AGAP1: variants seen among roughly 807,000 people sequenced by gnomAD.
AGAP1 encodes ArfGAP with GTPase domain, ankyrin repeat and PH domain 1.
In AGAP1, 29 loss-of-function variants were observed where a neutral mutation model predicts 105.3. That is an observed-to-expected ratio of 0.28 (90% CI 0.21 to 0.38). The LOEUF (loss-of-function observed/expected upper bound fraction) is 0.38, where lower values mean the gene tolerates loss of function less well. Ranked by LOEUF, AGAP1 falls within the 10% of genes least tolerant of loss-of-function variation. The probability of loss-of-function intolerance (pLI) is 1.00; values close to 1 mark genes in which losing one functional copy is unlikely to be tolerated. For missense variants in AGAP1, 998 were observed against 1,165.1 expected, an observed-to-expected ratio of 0.86 and a Z score of 2.09; for synonymous variants, 509 against 485.9, an observed-to-expected ratio of 1.05 and a Z score of -0.63.
At position 235,979,540 on chromosome 2, in the gene AGAP1, C is replaced by G. The variant is rs1395865253; in HGVS notation, c.1645+10917C>G. On this transcript the variant is annotated intron_variant, in intron 13 of 17. Coordinates refer to ENST00000304032, the MANE Select transcript of AGAP1 (RefSeq NM_001037131.3). This position sits in a 1 kb window ranked among gnomAD's most constrained non-coding sequence, Gnocchi z 4.5. ...TACCCTCCTGGCTTTCCACTCCACC[C>G]CTTTCTCATCTCAGACATACCATAG... Among the ~76,000 whole-genome samples, 1 of 152,208 alleles carries G rather than the reference C, an allele frequency of 6.6e-6. No homozygotes were observed. The highest frequency in any genetic ancestry group is 2.4e-5 in the African/African-American group (1 of 41,450).
intron 6 of AGAP1, among the ~76,000 whole-genome samples, chr2:235,756,543 C>G (rs1238767241): frequency 3.9e-5 from 6 of 152,162 alleles, no homozygotes; most frequent in Non-Finnish European, 7.3e-5. Context: ...TTCACTCCCC[C>G]TCTCCTAGAA....
intron 1 of AGAP1, among the ~76,000 whole-genome samples, chr2:235,509,464 C>T (rs1941975985): frequency 6.6e-6 from 1 of 152,052 alleles, no homozygotes; most frequent in African/African-American, 2.4e-5. Flanking sequence ...AACTCCTGAC[C>T]TCAAGTGATC....
chr2:236,112,579 C>T (rs1163686463), intron 16 of AGAP1, among the ~76,000 whole-genome samples: 1 of 152,180 alleles, frequency 6.6e-6, no homozygotes, highest in Non-Finnish European at 1.5e-5. Flanking sequence ...GGCTGTCTTG[C>T]TGTCTGTGCA....
At chr2:235,499,726 G>A (rs976159084) in intron 1 of AGAP1, among the ~76,000 whole-genome samples, 1 of 152,240 alleles carries the variant, frequency 6.6e-6, no homozygotes, top group South Asian at 2.1e-4. Flanking sequence ...GCCTTGCCTC[G>A]CCAGAATTAA....
At chr2:236,033,731 C>T (rs1311059018) in intron 13 of AGAP1, among the ~76,000 whole-genome samples, 2 of 152,244 alleles carry the variant, frequency 1.3e-5, no homozygotes, top group Non-Finnish European at 2.9e-5. Flanking sequence ...ACCACAGTGA[C>T]CGAGCCCTGC....
At chr2:235,504,118 A>G (rs1268031743) in intron 1 of AGAP1, among the ~76,000 whole-genome samples, 1 of 151,798 alleles carries the variant, frequency 6.6e-6, no homozygotes, top group Non-Finnish European at 1.5e-5. Flanking sequence ...TTAGGTTTAC[A>G]GGCTTGAGCC....
chr2:235,941,099 A>C (rs1390445728), intron 12 of AGAP1, among the ~76,000 whole-genome samples: 1 of 152,220 alleles, frequency 6.6e-6, no homozygotes, highest in African/African-American at 2.4e-5. Flanking sequence ...CTTAACAGAG[A>C]ACCAGTGCTG....
rs1327289376 is a variant in AGAP1, at chr2:235,569,541, C to T, written c.163+74692C>T. Among the ~76,000 whole-genome samples the T allele has an allele frequency of 1.3e-5, 2 of 152,148 alleles. No homozygotes were observed. Among genetic ancestry groups the T allele is most frequent in the Admixed American group, 6.5e-5 (1 of 15,288 alleles). ...ACCTGGCCTCTTGTACCTCTGAGCC[C>T]CGAATTCTGCCCTCTGCCCATGTGA... is the stretch of plus-strand genomic sequence containing the variant. On this transcript the variant is annotated intron_variant, in intron 1 of 17. Transcript: ENST00000304032. This position sits in a 1 kb window ranked among gnomAD's most constrained non-coding sequence, Gnocchi z 5.9.
chr2:235,512,111 G>C (rs1269280103), intron 1 of AGAP1, among the ~76,000 whole-genome samples: 2 of 152,124 alleles, frequency 1.3e-5, no homozygotes, highest in African/African-American at 4.8e-5. Context: ...GTGAATGTGT[G>C]TGTGTGTGGT....
At chr2:235,594,786 C>T (rs1203687474) in intron 1 of AGAP1, among the ~76,000 whole-genome samples, 3 of 151,130 alleles carry the variant, frequency 2.0e-5, no homozygotes, top group Non-Finnish European at 4.4e-5. Context: ...GTTGACCAGG[C>T]TGGTCTTGGA....
At chr2:235,757,776 G>A (rs1954054053) in intron 6 of AGAP1, among the ~76,000 whole-genome samples, 1 of 152,150 alleles carries the variant, frequency 6.6e-6, no homozygotes, top group South Asian at 2.1e-4. Context: ...CCTGGTGTGT[G>A]CAAAGAACCC....
At chr2:235,828,061 G>A (rs1024075896) in intron 9 of AGAP1, among the ~76,000 whole-genome samples, 1 of 152,224 alleles carries the variant, frequency 6.6e-6, no homozygotes, top group African/African-American at 2.4e-5. Context: ...CCCAGAGAAA[G>A]ATGAGAGCAG....
intron 1 of AGAP1, among the ~76,000 whole-genome samples, chr2:235,543,265 G>A (rs1232069338): frequency 6.6e-6 from 1 of 151,900 alleles, no homozygotes; most frequent in Non-Finnish European, 1.5e-5. Context: ...GGTTCTGAGT[G>A]GGGGCTTGAC....
intron 1 of AGAP1, among the ~76,000 whole-genome samples, chr2:235,565,167 C>T (rs1048342723): frequency 1.4e-5 from 2 of 146,220 alleles, no homozygotes; most frequent in African/African-American, 5.1e-5. Flanking sequence ...GCCTGGACCA[C>T]CACCCACGGC....
At position 235,733,450 on chromosome 2, in the gene AGAP1, G is replaced by A. The variant is rs1052800096; in HGVS notation, c.311-7513G>A. Among the ~76,000 whole-genome samples, 28 of 152,158 alleles carry A rather than the reference G, an allele frequency of 1.8e-4. No individual in the cohort carries two copies. Among genetic ancestry groups the A allele is most frequent in the Non-Finnish European group, 2.1e-4 (14 of 68,036 alleles). ...TTCCTTTTTGTTCCTTAGAGCCTGC[G>A]TTTTTTGAGGTTTATTATGTAAAGC... On this transcript the variant is annotated intron_variant, in intron 3 of 17. Transcript: ENST00000304032. The surrounding 1 kb of genome is among the most constrained non-coding windows in gnomAD (Gnocchi z 5.0).
rs2057981354 is a variant in AGAP1, at chr2:236,053,956, C to T, written c.2114+4675C>T. Reference sequence around the variant, plus strand: ...TTCTTCCCCCCATTATTTGTAAGTTCACCTCTGTGCCTAAACTCCCTTCTT... The same window carrying T: ...TTCTTCCCCCCATTATTTGTAAGTTTACCTCTGTGCCTAAACTCCCTTCTT... On this transcript the variant is annotated intron_variant, in intron 16 of 17. Transcript: ENST00000304032. The surrounding 1 kb of genome is among the most constrained non-coding windows in gnomAD (Gnocchi z 4.6). Among the ~76,000 whole-genome samples the T allele has an allele frequency of 6.6e-6, 1 of 152,244 alleles. No individual in the cohort carries two copies. Among genetic ancestry groups the T allele is most frequent in the South Asian group, 2.1e-4 (1 of 4,824 alleles).
At chr2:235,606,945 G>GAAAAAAAAAAAAAAAAAAAAAAAAAAAAA (rs5839603) in intron 1 of AGAP1, among the ~76,000 whole-genome samples, 1 of 61,940 alleles carries the variant, frequency 1.6e-5, no homozygotes, top group Non-Finnish European at 3.0e-5. Context: ...ACTGCCTCTT[G>GAAAAAAAAAAAAAAAAAAAAAAAAAAAAA]AAAAAAAAAA....
In AGAP1 at chr2:235,642,934, G is replaced by A. The variant is rs1032701546; in HGVS notation, c.164-66245G>A. On this transcript the variant is annotated intron_variant, in intron 1 of 17. Transcript: ENST00000304032. The surrounding 1 kb of genome is among the most constrained non-coding windows in gnomAD (Gnocchi z 4.1). ...GTAATGTGCTGCCATGACAAGGCAC[G>A]GTGGTGGTGGGGACCTGGCAAGGTA... 2.0e-5 allele frequency among the ~76,000 whole-genome samples: 3 copies of A among 152,296 alleles called. No homozygotes were observed. The highest frequency in any genetic ancestry group is 2.1e-4 in the South Asian group (1 of 4,828).
intron 1 of AGAP1, among the ~76,000 whole-genome samples, chr2:235,653,421 G>A (rs145861676): frequency 0.021 from 3,124 of 151,982 alleles, 110 homozygotes; most frequent in African/African-American, 0.072. Flanking sequence ...CCGAGATAGC[G>A]CCACTGCATT....
Sources: gnomAD v4.1 joint callset for allele counts (sites outside exome capture counted in the v4.1 genomes callset) on GRCh38, gnomAD v4.1.1 for gene constraint, Gnocchi (gnomAD v3.1) non-coding constraint, MANE v1.5 for transcripts, NCBI Gene and HGNC (gene_info 2026-07-23, HGNC 2026-07-21) for gene names.